Variants in TOR1B observed in about 807,000 individuals in gnomAD.
TOR1B encodes the protein torsin family 1 member B, also known as torsin-1B.
TOR1B carries 14 observed loss-of-function variants against 29.2 expected under a neutral mutation model. The observed-to-expected ratio is 0.48, with a 90% CI of 0.32 to 0.75. The LOEUF (loss-of-function observed/expected upper bound fraction) is 0.75. Among genes scored for constraint, TOR1B ranks in the 30% least tolerant of loss-of-function variants. TOR1B has a pLI of 0.04. For missense variants in TOR1B, 400 were observed against 433.9 expected, an observed-to-expected ratio of 0.92 and a Z score of 0.69; for synonymous variants, 166 against 179.8, an observed-to-expected ratio of 0.92 and a Z score of 0.62.
chr9:129,805,366 C>T (rs538347719), intron 2 of TOR1B, among the ~76,000 whole-genome samples: 23 of 149,456 alleles, frequency 1.5e-4, no homozygotes, highest in African/African-American at 4.7e-4. Context: ...AGGTTGCAGT[C>T]AGCTGAGAAT....
Position 129,807,218 on chromosome 9 carries a change from G to A in TOR1B, c.496G>A (p.Val166Met). 6.2e-7 allele frequency: 1 copy of A among 1,614,158 alleles called. No homozygotes were observed. Among genetic ancestry groups the A allele is most frequent in the Non-Finnish European group, 8.5e-7 (1 of 1,180,036 alleles). Residue 166 changes from valine (V) to methionine (M), a missense_variant, in exon 3 of 5, where the codon GTG (valine) becomes ATG (methionine). Coordinates refer to ENST00000259339, the MANE Select transcript of TOR1B (RefSeq NM_014506.3). Reference protein sequence around the residue: ...DQLQKWIRGNVSACANSVFIF... With the variant: ...DQLQKWIRGNMSACANSVFIF... ...GTTACAGAAGTGGATCCGCGGTAAT[G>A]TGAGTGCATGTGCGAACTCTGTTTT...
Position 129,809,648 on chromosome 9 carries a change from G to T in TOR1B, c.*65G>T, listed in dbSNP as rs2030729956. 1 of 1,592,858 alleles carries T rather than the reference G, an allele frequency of 6.3e-7. No individual in the cohort carries two copies. The highest frequency in any genetic ancestry group is 8.6e-7 in the Non-Finnish European group (1 of 1,169,210). ...CGCACGCCAGAGGCCTTGCCTTTCA[G>T]AAGAACCCTGAAGACCGCTTTGGGG... On this transcript the variant is annotated 3_prime_UTR_variant, in exon 5 of 5. Coordinates refer to ENST00000259339, the MANE Select transcript of TOR1B (RefSeq NM_014506.3).
chr9:129,804,002 TA>T (rs2030317509), intron 1 of TOR1B, 70 bp from the exon 2 acceptor site: 1 of 1,588,176 alleles, frequency 6.3e-7, no homozygotes, highest in Admixed American at 1.7e-5. Context: ...TTTGGCCAGC[TA>T]AGAAAGTGCT....
At chr9:129,808,473 T>C in intron 3 of TOR1B, among the ~76,000 whole-genome samples, 1 of 148,944 alleles carries the variant, frequency 6.7e-6, no homozygotes, top group Middle Eastern at 3.2e-3. Flanking sequence ...CACTCCAGCC[T>C]GCGTGACAGA....
rs2030732562 is a variant in TOR1B at position 129,809,706 on chromosome 9, T to C, written c.*123T>C. ...TGTTTGCACCTTAGACTTTTGGGTATAGAATCTTTTTTTTGAGAAGAGGTC... is the reference window on the plus strand; with the variant it reads ...TGTTTGCACCTTAGACTTTTGGGTACAGAATCTTTTTTTTGAGAAGAGGTC... On this transcript the variant is annotated 3_prime_UTR_variant, in exon 5 of 5. Coordinates refer to ENST00000259339, the MANE Select transcript of TOR1B (RefSeq NM_014506.3). The C allele has an allele frequency of 2.3e-5, 35 of 1,490,138 alleles. No individual in the cohort carries two copies. The highest frequency in any genetic ancestry group is 2.8e-5 in the Non-Finnish European group (32 of 1,129,272). 92.3% of individuals were successfully genotyped at this position (1,490,138 alleles called of 1,614,324 possible). A position where few individuals can be genotyped will look rare whatever the true frequency, so the allele number is the denominator to read the frequency against.
intron 2 of TOR1B, among the ~76,000 whole-genome samples, chr9:129,805,686 T>C (rs2030441519): frequency 6.6e-6 from 1 of 152,220 alleles, no homozygotes; most frequent in Non-Finnish European, 1.5e-5. Flanking sequence ...GCCTCAGCTT[T>C]GCCTCTGCTC....
At chr9:129,804,764 A>C (rs2030372657) in intron 2 of TOR1B, among the ~76,000 whole-genome samples, 2 of 144,192 alleles carry the variant, frequency 1.4e-5, no homozygotes, top group African/African-American at 5.2e-5. Context: ...TGGGAGGCTG[A>C]GGCAGGAGAA....
At chr9:129,807,967 T>C (rs1282942748) in intron 3 of TOR1B, among the ~76,000 whole-genome samples, 5 of 150,844 alleles carry the variant, frequency 3.3e-5, no homozygotes, top group African/African-American at 1.2e-4. Flanking sequence ...AGCCCAGGAG[T>C]TCAAGGTTTT....
intron 2 of TOR1B, 109 bp downstream of exon 2, chr9:129,804,447 C>T (rs1251530477): frequency 1.1e-5 from 15 of 1,404,954 alleles, no homozygotes; most frequent in Admixed American, 2.0e-5. Flanking sequence ...CTGTAGCCCC[C>T]GGCTCCACTG....
At chr9:129,809,056 C>A (rs1185599883) in intron 4 of TOR1B, 24 bp downstream of exon 4, 4 of 1,588,234 alleles carry the variant, frequency 2.5e-6, no homozygotes, top group South Asian at 2.3e-5. Flanking sequence ...GGTAAAGGAG[C>A]CCCTTAACTG....
In TOR1B at chr9:129,804,273, A is replaced by G; in HGVS notation, c.400A>G (p.Asn134Asp). ...ENLHPKGLKS[N>D]FVHLFVSTLH... ...TCTTCACCCAAAAGGTCTGAAGAGT[A>G]ACTTTGTCCACCTGTTTGTATCGAC... Residue 134 changes from asparagine (N) to aspartate (D), a missense_variant, in exon 2 of 5, where the codon AAC becomes GAC. Asn to Asp is a conservative substitution (Grantham distance 23). Transcript: ENST00000259339. 1.9e-6 allele frequency: 3 copies of G among 1,614,218 alleles called. No individual in the cohort carries two copies. The highest frequency in any genetic ancestry group is 2.5e-6 in the Non-Finnish European group (3 of 1,180,040).
Position 129,810,347 on chromosome 9 carries a change from G to A in TOR1B, c.*764G>A, listed in dbSNP as rs1423925252. 8.9e-7 allele frequency: 1 copy of A among 1,125,134 alleles called. No homozygotes were observed. The highest frequency in any genetic ancestry group is 1.8e-5 in the African/African-American group (1 of 55,248). 69.7% of individuals were successfully genotyped at this position (1,125,134 alleles called of 1,614,324 possible). On this transcript the variant is annotated 3_prime_UTR_variant, in exon 5 of 5. Transcript: ENST00000259339. Reference sequence around the variant, plus strand: ...GATCTGAGCTGACCTGTGTGTGTGTGTGTGGGGGGGTGGGGCCTTCACCTA... The same window carrying A: ...GATCTGAGCTGACCTGTGTGTGTGTATGTGGGGGGGTGGGGCCTTCACCTA...
At position 129,810,337 on chromosome 9, in the gene TOR1B, G is replaced by T; in HGVS notation, c.*754G>T. 4 of 1,086,192 alleles carry T rather than the reference G, an allele frequency of 3.7e-6. No homozygotes were observed. Among genetic ancestry groups the T allele is most frequent in the Admixed American group, 2.8e-5 (1 of 35,378 alleles). The allele number at this position is 1,086,192 out of a possible 1,614,324, so 67.3% of individuals were successfully genotyped here. The stretch of plus-strand genomic sequence containing the variant: ...GAGCACTCTTGATCTGAGCTGACCT[G>T]TGTGTGTGTGTGTGGGGGGGTGGGG... On this transcript the variant is annotated 3_prime_UTR_variant, in exon 5 of 5. Coordinates refer to ENST00000259339, the MANE Select transcript of TOR1B (RefSeq NM_014506.3).
rs749033850 is a variant in TOR1B at position 129,803,236 on chromosome 9, G to A, written c.24G>A (p.Arg8=). 46 of 1,539,234 alleles carry A rather than the reference G, an allele frequency of 3.0e-5. No homozygotes were observed. The highest frequency in any genetic ancestry group is 2.0e-4 in the Middle Eastern group (1 of 4,958). The change falls in exon 1 of 5, where the codon CGG becomes CGA. Residue 8 remains arginine, a synonymous_variant. Transcript: ENST00000259339. ...GGATGTTGCGGGCTGGGTGGCTCCG[G>A]GGCGCGGCGGCGCTGGCGCTGCTGC... The part of the protein sequence containing the change: MLRAGWL[R]GAAALALLLA...
chr9:129,807,820 TG>T (rs2030589838), intron 3 of TOR1B, among the ~76,000 whole-genome samples: 2 of 146,960 alleles, frequency 1.4e-5, no homozygotes, highest in African/African-American at 5.1e-5. Context: ...CACTCCAGCC[TG>T]GGTGACAGAG....
In TOR1B at chr9:129,807,211, C is replaced by T. The variant is rs138707572; in HGVS notation, c.489C>T (p.Arg163=). The change falls in exon 3 of 5, where the codon CGC becomes CGT. Residue 163 remains arginine (R), a synonymous_variant. Coordinates refer to ENST00000259339, the MANE Select transcript of TOR1B (RefSeq NM_014506.3). The part of the protein sequence containing the change: ...LYQDQLQKWI[R]GNVSACANSV... ...AGGACCAGTTACAGAAGTGGATCCG[C>T]GGTAATGTGAGTGCATGTGCGAACT... The T allele has an allele frequency of 6.2e-5, 100 of 1,613,992 alleles. No homozygotes were observed. In the African/African-American group the frequency reaches 1.1e-3, roughly 18 times the overall value.
chr9:129,810,170 G>C lies in TOR1B; in HGVS notation c.*587G>C. 1 of 1,304,144 alleles carries C rather than the reference G, an allele frequency of 7.7e-7. No individual in the cohort carries two copies. Among genetic ancestry groups the C allele is most frequent in the Non-Finnish European group, 1.0e-6 (1 of 988,862 alleles). The allele number at this position is 1,304,144 out of a possible 1,614,324, so 80.8% of individuals were successfully genotyped here. A position where few individuals can be genotyped will look rare whatever the true frequency, so the allele number is the denominator to read the frequency against. The stretch of plus-strand genomic sequence containing the variant: ...GTGGTTCTCACCAGCAGGCTGCGGG[G>C]CACTGTGTTCTCATTGGCCAAAAAC... On this transcript the variant is annotated 3_prime_UTR_variant, in exon 5 of 5. Coordinates refer to ENST00000259339, the MANE Select transcript of TOR1B (RefSeq NM_014506.3).
chr9:129,810,350 T>TGTGG lies in TOR1B; in HGVS notation c.*768_*769insTGGG. On this transcript the variant is annotated 3_prime_UTR_variant, in exon 5 of 5. Coordinates refer to ENST00000259339, the MANE Select transcript of TOR1B (RefSeq NM_014506.3). ...CTGAGCTGACCTGTGTGTGTGTGTG[T>TGTGG]GGGGGGGTGGGGCCTTCACCTAAGA... 3.5e-6 allele frequency: 4 copies of TGTGG among 1,135,928 alleles called. No individual in the cohort carries two copies. The highest frequency in any genetic ancestry group is 6.9e-5 in the East Asian group (1 of 14,558). The allele number at this position is 1,135,928 out of a possible 1,614,324, so 70.4% of individuals were successfully genotyped here.
intron 3 of TOR1B, 40 bp downstream of exon 3, chr9:129,807,403 A>C (rs563363039): frequency 6.2e-7 from 1 of 1,604,774 alleles, no homozygotes. Flanking sequence ...CAAGCCCTTC[A>C]TTCTCTCAAT....
Sources: gnomAD v4.1 joint callset for allele counts (sites outside exome capture counted in the v4.1 genomes callset) on GRCh38, gnomAD v4.1.1 for gene constraint, MANE v1.5 for transcripts, NCBI Gene and HGNC (gene_info 2026-07-23, HGNC 2026-07-21) for gene names.